PEPD: variants seen among roughly 807,000 people sequenced by gnomAD.
The protein encoded by PEPD is xaa-Pro dipeptidase.
A neutral mutation model predicts 60.7 loss-of-function variants in PEPD; 53 were observed. The ratio of observed to expected loss-of-function variants is 0.87; its 90% confidence interval spans 0.70 to 1.10. PEPD has a LOEUF of 1.10. Ranked by LOEUF, PEPD falls within the 50% of genes least tolerant of loss-of-function variation. The probability of loss-of-function intolerance (pLI) is 0.00; values close to 1 mark genes in which losing one functional copy is unlikely to be tolerated. For synonymous variants in PEPD, 267 were observed against 284.1 expected, an observed-to-expected ratio of 0.94 and a Z score of 0.60; for missense variants, 711 against 711.9, an observed-to-expected ratio of 1.00 and a Z score of 0.01.
chr19:33,388,033 G>A lies in PEPD; in HGVS notation c.1201C>T (p.Arg401Trp), dbSNP rs753623908. The change falls in exon 14 of 15, where the codon CGG (arginine) becomes TGG (tryptophan). Residue 401 changes from arginine (R) to tryptophan (W), a missense_variant. Physicochemically the swap from Arg to Trp is moderately radical, Grantham distance 101. Transcript: ENST00000244137. ...EPGLRSLRTA[R>W]HLQPGMVLTV... ...AGCACCATGCCTGGCTGCAGGTGCC[G>A]TGCAGTGCGCAGGCTCCGCAGGCCG... 12 of 1,563,124 alleles carry A rather than the reference G, an allele frequency of 7.7e-6. No individual in the cohort carries two copies. The highest frequency in any genetic ancestry group is 4.7e-5 in the South Asian group (4 of 85,090).
At chr19:33,394,860 A>G (rs893137973) in intron 12 of PEPD, among the ~76,000 whole-genome samples, 1 of 151,962 alleles carries the variant, frequency 6.6e-6, no homozygotes, top group Non-Finnish European at 1.5e-5. Flanking sequence ...ACCAAACCTC[A>G]TTCTGGCTTT....
intron 1 of PEPD, 103 bp from the exon 2 acceptor site, chr19:33,512,879 G>T: frequency 7.6e-7 from 1 of 1,321,710 alleles, no homozygotes; most frequent in Non-Finnish European, 1.1e-6. Flanking sequence ...CCTGCCGTGG[G>T]ACCCCCATCA....
chr19:33,410,364 C>A (rs1484150054), intron 11 of PEPD, among the ~76,000 whole-genome samples: 1 of 152,228 alleles, frequency 6.6e-6, no homozygotes, highest in Non-Finnish European at 1.5e-5. Context: ...AGGGAGGACC[C>A]CGAGACTGAG....
At chr19:33,406,704 A>T (rs951774166) in intron 11 of PEPD, among the ~76,000 whole-genome samples, 14 of 152,210 alleles carry the variant, frequency 9.2e-5, no homozygotes, top group Non-Finnish European at 1.5e-5. Context: ...CGATGGTGGC[A>T]GACAGACTCA....
chr19:33,487,939 C>G (rs796599337), intron 6 of PEPD, among the ~76,000 whole-genome samples: 13 of 152,076 alleles, frequency 8.5e-5, no homozygotes, highest in African/African-American at 2.9e-4. Flanking sequence ...TGATGAGGGC[C>G]CTGGGGAAGC....
intron 12 of PEPD, among the ~76,000 whole-genome samples, chr19:33,398,426 G>T (rs926141959): frequency 6.6e-6 from 1 of 152,248 alleles, no homozygotes; most frequent in Non-Finnish European, 1.5e-5. Context: ...AGCCCACCTT[G>T]GCACAGCTAC....
chr19:33,422,797 TATCCATCCATCC>T (rs1224039590), intron 9 of PEPD, among the ~76,000 whole-genome samples: 1 of 144,972 alleles, frequency 6.9e-6, no homozygotes, highest in Non-Finnish European at 1.5e-5. Context: ...TCCCTCTATC[TATCCATCCATCC>T]ATCCTTCTAT....
intron 6 of PEPD, among the ~76,000 whole-genome samples, chr19:33,485,396 G>A (rs1970378052): frequency 6.6e-6 from 1 of 151,720 alleles, no homozygotes; most frequent in African/African-American, 2.4e-5. Flanking sequence ...GGGAGGCTGA[G>A]GCGGAAGAAT....
intron 9 of PEPD, among the ~76,000 whole-genome samples, chr19:33,424,494 T>C (rs1969099711): frequency 6.6e-6 from 1 of 152,164 alleles, no homozygotes; most frequent in Non-Finnish European, 1.5e-5. Flanking sequence ...CACTAATCCA[T>C]GCTGACTGTA....
chr19:33,493,838 C>T (rs924944161), intron 4 of PEPD, among the ~76,000 whole-genome samples: 1 of 152,094 alleles, frequency 6.6e-6, no homozygotes, highest in Non-Finnish European at 1.5e-5. Context: ...CCACAGCCCA[C>T]TCTCTGTCCC....
intron 12 of PEPD, chr19:33,396,240 G>A (rs1454536310): frequency 6.6e-6 from 1 of 152,334 alleles, no homozygotes; most frequent in African/African-American, 2.4e-5. Flanking sequence ...CCGTCTCGGA[G>A]GATGAGGACT....
chr19:33,437,680 T>A (rs1413497772), intron 9 of PEPD, among the ~76,000 whole-genome samples: 1 of 152,220 alleles, frequency 6.6e-6, no homozygotes, highest in Non-Finnish European at 1.5e-5. Flanking sequence ...TCTCAACTGC[T>A]AAGTGCAGAG....
At chr19:33,470,392 T>C (rs1216096247) in intron 7 of PEPD, among the ~76,000 whole-genome samples, 1 of 151,918 alleles carries the variant, frequency 6.6e-6, no homozygotes, top group Non-Finnish European at 1.5e-5. Context: ...TCTCCACCAC[T>C]CACCCCATGT....
At chr19:33,513,346 TCA>T (rs1332743856) in intron 1 of PEPD, among the ~76,000 whole-genome samples, 4 of 152,100 alleles carry the variant, frequency 2.6e-5, no homozygotes, top group Admixed American at 6.5e-5. Flanking sequence ...AGCTCCAGAC[TCA>T]CAGACCCATC....
At chr19:33,474,738 T>C (rs551910551) in intron 7 of PEPD, among the ~76,000 whole-genome samples, 4 of 151,716 alleles carry the variant, frequency 2.6e-5, no homozygotes, top group Non-Finnish European at 5.9e-5. Context: ...CCCAACACTT[T>C]GGGAGGCTGA....
At chr19:33,395,844 C>T (rs760888686) in intron 12 of PEPD, among the ~76,000 whole-genome samples, 23 of 152,242 alleles carry the variant, frequency 1.5e-4, no homozygotes, top group Non-Finnish European at 2.5e-4. Context: ...CAGCAGGCTC[C>T]GGCCGGGGTC....
intron 13 of PEPD, chr19:33,388,625 G>A (rs116601945): frequency 0.033 from 7,049 of 216,492 alleles, 459 homozygotes; most frequent in African/African-American, 0.14. Context: ...ATCAGGGTGG[G>A]TCTGCCAGCC....
chr19:33,506,354 TCA>T (rs1970810043), intron 3 of PEPD, among the ~76,000 whole-genome samples: 1 of 71,758 alleles, frequency 1.4e-5, no homozygotes, highest in African/African-American at 5.8e-5. Flanking sequence ...CACAGGACAC[TCA>T]CACCCACCAC....
intron 9 of PEPD, among the ~76,000 whole-genome samples, chr19:33,423,105 A>C (rs75601693): frequency 0.018 from 2,741 of 151,790 alleles, 35 homozygotes; most frequent in South Asian, 0.031. Flanking sequence ...TCATCCATCC[A>C]TCCATCCATC....
Sources: gnomAD v4.1 joint callset for allele counts (sites outside exome capture counted in the v4.1 genomes callset) on GRCh38, gnomAD v4.1.1 for gene constraint, MANE v1.5 for transcripts, NCBI Gene and HGNC (gene_info 2026-07-23, HGNC 2026-07-21) for gene names.